The following PAWR variants were observed in gnomAD, a reference collection of about 807,000 sequenced individuals.
PAWR encodes PRKC apoptosis WT1 regulator protein.
Under a neutral mutation model 32.0 loss-of-function variants are expected in PAWR, and 23 were observed. The ratio of observed to expected loss-of-function variants is 0.72; its 90% confidence interval spans 0.52 to 1.02. The LOEUF (loss-of-function observed/expected upper bound fraction) is 1.02, where lower values mean the gene tolerates loss of function less well. PAWR is among the 50% of genes least tolerant of loss of function. PAWR has a pLI of 0.00. For missense variants in PAWR, 457 were observed against 437.7 expected (o/e 1.04, Z -0.39); for synonymous variants, 226 against 187.1 (o/e 1.21, Z -1.70).
chr12:79,663,027 T>C (rs1206341862), intron 2 of PAWR, among the ~76,000 whole-genome samples: 1 of 152,182 alleles, frequency 6.6e-6, no homozygotes, highest in Non-Finnish European at 1.5e-5. Flanking sequence ...CAGTTCAATC[T>C]CCATTATACT....
At chr12:79,682,442 T>C (rs1397977656) in intron 2 of PAWR, among the ~76,000 whole-genome samples, 1 of 152,210 alleles carries the variant, frequency 6.6e-6, no homozygotes, top group East Asian at 1.9e-4. Context: ...ATTTTCAGAA[T>C]ACAACTGCCC....
intron 2 of PAWR, among the ~76,000 whole-genome samples, chr12:79,630,282 GA>G (rs563878305): frequency 1.5e-3 from 225 of 148,618 alleles, no homozygotes; most frequent in African/African-American, 5.6e-3. Context: ...GAAAAATTAT[GA>G]AAAACTTTGT....
intron 5 of PAWR, among the ~76,000 whole-genome samples, chr12:79,595,560 T>C (rs1873718941): frequency 3.3e-5 from 5 of 152,172 alleles, no homozygotes; most frequent in Admixed American, 3.3e-4. Flanking sequence ...AATTATGAAA[T>C]AATAGGCTGG....
At chr12:79,655,159 G>A (rs1473425642) in intron 2 of PAWR, among the ~76,000 whole-genome samples, 1 of 152,146 alleles carries the variant, frequency 6.6e-6, no homozygotes, top group African/African-American at 2.4e-5. Flanking sequence ...AGAATGTCAG[G>A]CCTTTAAACA....
At chr12:79,687,919 C>T (rs1409793688) in intron 2 of PAWR, among the ~76,000 whole-genome samples, 1 of 152,034 alleles carries the variant, frequency 6.6e-6, no homozygotes, top group African/African-American at 2.4e-5. Flanking sequence ...CAGCTTGAAA[C>T]GGACAGAGAC....
intron 2 of PAWR, among the ~76,000 whole-genome samples, chr12:79,677,154 G>C (rs780778160): frequency 6.8e-6 from 1 of 146,322 alleles, no homozygotes; most frequent in Non-Finnish European, 1.5e-5. Flanking sequence ...GTACTAACAA[G>C]GTAGTAAATG....
chr12:79,654,205 T>C (rs560862861), intron 2 of PAWR, among the ~76,000 whole-genome samples: 9 of 152,328 alleles, frequency 5.9e-5, no homozygotes, highest in African/African-American at 2.2e-4. Flanking sequence ...TTTAAATGAC[T>C]GCATTTAAGA....
At chr12:79,641,676 G>A (rs1876328137) in intron 2 of PAWR, among the ~76,000 whole-genome samples, 1 of 151,584 alleles carries the variant, frequency 6.6e-6, no homozygotes, top group Non-Finnish European at 1.5e-5. Context: ...GTGAAACCCT[G>A]TCTCTACTAA....
chr12:79,615,995 T>TG (rs1162147163), intron 3 of PAWR, among the ~76,000 whole-genome samples: 1 of 147,498 alleles, frequency 6.8e-6, no homozygotes, highest in African/African-American at 2.6e-5. Flanking sequence ...AGGCAGAGGT[T>TG]GCAGTGAGCT....
intron 2 of PAWR, among the ~76,000 whole-genome samples, chr12:79,667,402 A>C (rs1877660654): frequency 1.3e-5 from 2 of 152,208 alleles, no homozygotes; most frequent in Non-Finnish European, 2.9e-5. Context: ...AAATTTACCA[A>C]ATTATAGGAA....
chr12:79,634,142 A>G (rs899737818), intron 2 of PAWR, among the ~76,000 whole-genome samples: 2 of 152,234 alleles, frequency 1.3e-5, no homozygotes, highest in African/African-American at 4.8e-5. Flanking sequence ...GTAAATACAT[A>G]TTTTATTCAT....
At chr12:79,644,801 C>T (rs957150142) in intron 2 of PAWR, among the ~76,000 whole-genome samples, 4 of 151,980 alleles carry the variant, frequency 2.6e-5, no homozygotes, top group Admixed American at 2.6e-4. Context: ...ATGTCCTAAC[C>T]CTAAGATAGT....
intron 2 of PAWR, among the ~76,000 whole-genome samples, chr12:79,650,967 T>C (rs1876816764): frequency 6.6e-6 from 1 of 152,236 alleles, no homozygotes; most frequent in South Asian, 2.1e-4. Flanking sequence ...AATAATATCT[T>C]GTGGGACTCA....
chr12:79,633,855 T>TA (rs1007213162), intron 2 of PAWR, among the ~76,000 whole-genome samples: 12 of 151,822 alleles, frequency 7.9e-5, no homozygotes, highest in South Asian at 6.3e-4. Context: ...CCTTCTGGTT[T>TA]AAAAAAAAAT....
chr12:79,660,272 A>G (rs1172841280), intron 2 of PAWR, among the ~76,000 whole-genome samples: 2 of 152,208 alleles, frequency 1.3e-5, no homozygotes, highest in African/African-American at 4.8e-5. Context: ...TCCTAGGGCA[A>G]TCTTCATAGT....
At chr12:79,626,416 C>T (rs1875323043) in intron 2 of PAWR, among the ~76,000 whole-genome samples, 1 of 149,746 alleles carries the variant, frequency 6.7e-6, no homozygotes, top group East Asian at 2.1e-4. Context: ...CCCACCACCA[C>T]GCCCGGATCA....
chr12:79,622,662 G>C (rs1875082049), intron 2 of PAWR, among the ~76,000 whole-genome samples: 1 of 152,166 alleles, frequency 6.6e-6, no homozygotes, highest in Admixed American at 6.5e-5. Context: ...GACAGAAATG[G>C]AAAGGGCAAA....
chr12:79,623,080 G>C (rs556530493), intron 2 of PAWR, among the ~76,000 whole-genome samples: 6 of 152,084 alleles, frequency 3.9e-5, no homozygotes, highest in Non-Finnish European at 7.4e-5. Flanking sequence ...GCAATGCAGA[G>C]AACAGGAACA....
chr12:79,661,725 T>C (rs1363344919), intron 2 of PAWR, among the ~76,000 whole-genome samples: 6 of 152,172 alleles, frequency 3.9e-5, no homozygotes, highest in Non-Finnish European at 8.8e-5. Context: ...ATGTTCCCCT[T>C]ATCCTCACAA....
Sources: allele counts gnomAD v4.1 joint callset (sites outside exome capture counted in the v4.1 genomes callset), GRCh38; gene constraint gnomAD v4.1.1; transcripts MANE v1.5; gene names NCBI Gene and HGNC (gene_info 2026-07-23, HGNC 2026-07-21).